Variants in PDE1C observed in about 807,000 individuals in gnomAD.
PDE1C encodes phosphodiesterase 1C.
PDE1C carries 62 observed loss-of-function variants against 93.1 expected under a neutral mutation model. The ratio of observed to expected loss-of-function variants is 0.67; its 90% CI spans 0.54 to 0.82. The LOEUF is 0.82. Among genes scored for constraint, PDE1C ranks in the 40% least tolerant of loss-of-function variants. The probability of loss-of-function intolerance (pLI) is 0.00; values close to 1 mark genes in which losing one functional copy is unlikely to be tolerated. For missense variants in PDE1C, 742 were observed against 884.6 expected, an observed-to-expected ratio of 0.84 and a Z score of 2.04; for synonymous variants, 325 against 310.1, an observed-to-expected ratio of 1.05 and a Z score of -0.50.
At chr7:32,272,747 G>C (rs1374612737) in intron 1 of PDE1C, among the ~76,000 whole-genome samples, 1 of 152,136 alleles carries the variant, frequency 6.6e-6, no homozygotes, top group Admixed American at 6.5e-5. Flanking sequence ...ATTGATTTAG[G>C]AGTGTGCATG....
At chr7:31,913,793 C>T (rs193023599) in intron 2 of PDE1C, among the ~76,000 whole-genome samples, 3 of 152,274 alleles carry the variant, frequency 2.0e-5, no homozygotes, top group Admixed American at 6.5e-5. Context: ...CTCACAAAAC[C>T]GGTTCAGCTA....
chr7:31,645,070 A>T, the PDE1C span, among the ~76,000 whole-genome samples: 1 of 152,224 alleles, frequency 6.6e-6, no homozygotes, highest in Non-Finnish European at 1.5e-5. Flanking sequence ...GGAAACTAGA[A>T]CTGAGAGAGT....
chr7:32,168,267 C>T (rs927377081), intron 3 of PDE1C, among the ~76,000 whole-genome samples: 4 of 152,178 alleles, frequency 2.6e-5, no homozygotes, highest in African/African-American at 9.6e-5. Flanking sequence ...CAAGACACTG[C>T]TACACGTTAC....
chr7:31,857,060 A>C (rs1794113438), intron 7 of PDE1C, among the ~76,000 whole-genome samples: 1 of 152,158 alleles, frequency 6.6e-6, no homozygotes, highest in African/African-American at 2.4e-5. Flanking sequence ...CCATCCATAC[A>C]ACTTTATTTT....
intron 11 of PDE1C, among the ~76,000 whole-genome samples, chr7:31,831,503 C>T (rs117140245): frequency 0.083 from 11,791 of 141,802 alleles, 549 homozygotes; most frequent in East Asian, 0.21. Flanking sequence ...TGCACGCACA[C>T]ACACACACAC....
the PDE1C span, among the ~76,000 whole-genome samples, chr7:31,638,213 C>G: frequency 6.6e-6 from 1 of 152,122 alleles, no homozygotes; most frequent in Non-Finnish European, 1.5e-5. Flanking sequence ...TTTGCTAACC[C>G]TAAAGGAAAC....
chr7:32,035,929 G>C (rs1791010443), intron 2 of PDE1C, among the ~76,000 whole-genome samples: 2 of 152,156 alleles, frequency 1.3e-5, no homozygotes, highest in Admixed American at 1.3e-4. Context: ...TGAAGGGAGA[G>C]AAATTTCATC....
chr7:32,278,837 C>A (rs1811451554), intron 1 of PDE1C, among the ~76,000 whole-genome samples: 1 of 151,988 alleles, frequency 6.6e-6, no homozygotes, highest in South Asian at 2.1e-4. Context: ...CACAAAGTAA[C>A]CGATAATGAA....
At chr7:32,109,376 T>C (rs1798520894) in intron 3 of PDE1C, among the ~76,000 whole-genome samples, 1 of 152,196 alleles carries the variant, frequency 6.6e-6, no homozygotes. Flanking sequence ...AAATAGAATC[T>C]ATTTTTGATT....
chr7:32,051,219 C>T (rs1274020795), intron 2 of PDE1C, among the ~76,000 whole-genome samples: 1 of 152,122 alleles, frequency 6.6e-6, no homozygotes, highest in East Asian at 1.9e-4. Context: ...ATATAAAGAC[C>T]GCTTTGTGCT....
At chr7:31,827,739 A>G (rs1452972294) in intron 12 of PDE1C, among the ~76,000 whole-genome samples, 1 of 152,160 alleles carries the variant, frequency 6.6e-6, no homozygotes, top group African/African-American at 2.4e-5. Context: ...CCCACAGATG[A>G]AGATTTTTAA....
intron 1 of PDE1C, among the ~76,000 whole-genome samples, chr7:32,338,751 C>T (rs1239238830): frequency 6.6e-6 from 1 of 152,146 alleles, no homozygotes; most frequent in African/African-American, 2.4e-5. Flanking sequence ...CGCCTGTAAT[C>T]CCAGCACTTT....
At chr7:32,393,048 CAAAAAAAAA>C (rs35905868) in intron 1 of PDE1C, among the ~76,000 whole-genome samples, 1 of 48,498 alleles carries the variant, frequency 2.1e-5, no homozygotes, top group Non-Finnish European at 3.6e-5. Flanking sequence ...GACTCTGTCT[CAAAAAAAAA>C]AAAAAAAAAA....
At chr7:32,270,879 C>T (rs1195170004) in intron 1 of PDE1C, among the ~76,000 whole-genome samples, 1 of 152,064 alleles carries the variant, frequency 6.6e-6, no homozygotes, top group Non-Finnish European at 1.5e-5. Context: ...GCCTGTAATC[C>T]CAGCACTTTG....
Position 32,014,780 on chromosome 7 carries a change from G to A in PDE1C, c.128+36774C>T, listed in dbSNP as rs1271789236. 2.6e-5 allele frequency among the ~76,000 whole-genome samples: 4 copies of A among 152,218 alleles called. No homozygotes were observed. In the East Asian group the frequency reaches 5.8e-4, roughly 22 times the overall value. Reference sequence around the variant, plus strand: ...CCAGTTTCATCCATGTCTTTTTAACGCTAATTGGATAATGTGTGATTTTTC... The same window carrying A: ...CCAGTTTCATCCATGTCTTTTTAACACTAATTGGATAATGTGTGATTTTTC... On this transcript the variant is annotated intron_variant, in intron 2 of 17. Transcript: ENST00000396191.
chr7:31,775,023 A>G (rs1369137245), intron 17 of PDE1C, among the ~76,000 whole-genome samples: 2 of 152,232 alleles, frequency 1.3e-5, no homozygotes, highest in East Asian at 1.9e-4. Context: ...AAGCACATGC[A>G]TGGAGACAGA....
chr7:31,873,623 G>A (rs758851202), intron 5 of PDE1C, among the ~76,000 whole-genome samples: 1 of 152,192 alleles, frequency 6.6e-6, no homozygotes, highest in East Asian at 1.9e-4. Flanking sequence ...AATACAAATA[G>A]CCATAATTTA....
At chr7:31,719,892 A>T in the PDE1C span, among the ~76,000 whole-genome samples, 1 of 152,166 alleles carries the variant, frequency 6.6e-6, no homozygotes, top group African/African-American at 2.4e-5. Flanking sequence ...TCTTTGTTCA[A>T]AGGAAATCAT....
chr7:31,995,376 C>T (rs551791316), intron 2 of PDE1C, among the ~76,000 whole-genome samples: 17 of 152,248 alleles, frequency 1.1e-4, no homozygotes, highest in African/African-American at 3.1e-4. Context: ...CAAACTTGCA[C>T]GCCTACCTGC....
Sources: gnomAD v4.1 joint callset for allele counts (sites outside exome capture counted in the v4.1 genomes callset) on GRCh38, gnomAD v4.1.1 for gene constraint, MANE v1.5 for transcripts, NCBI Gene and HGNC (gene_info 2026-07-23, HGNC 2026-07-21) for gene names.